Variants in FAM184B observed in about 807,000 individuals in gnomAD.
FAM184B encodes the protein family with sequence similarity 184 member B.
A neutral mutation model predicts 135.9 loss-of-function variants in FAM184B; 111 were observed. That is an observed-to-expected ratio of 0.82 (90% CI 0.70 to 0.96). The LOEUF (loss-of-function observed/expected upper bound fraction) is 0.96. Among genes scored for constraint, FAM184B ranks in the 40% least tolerant of loss-of-function variants. The pLI is 0.00. For synonymous variants in FAM184B, 552 were observed against 524.8 expected (o/e 1.05, Z -0.71); for missense variants, 1,375 against 1,323.9 (o/e 1.04, Z -0.60).
chr4:17,680,059 G>A (rs1716400377), intron 7 of FAM184B, among the ~76,000 whole-genome samples: 1 of 152,112 alleles, frequency 6.6e-6, no homozygotes, highest in Non-Finnish European at 1.5e-5. Flanking sequence ...GTAAAAGACT[G>A]CACACTGGGT....
chr4:17,736,595 T>A (rs767473666), intron 1 of FAM184B, among the ~76,000 whole-genome samples: 2 of 152,160 alleles, frequency 1.3e-5, no homozygotes, highest in Non-Finnish European at 2.9e-5. Context: ...ACAACTTCTG[T>A]TATCTGGGCC....
chr4:17,639,042 C>T (rs1397862420), intron 14 of FAM184B, among the ~76,000 whole-genome samples: 1 of 152,178 alleles, frequency 6.6e-6, no homozygotes, highest in Non-Finnish European at 1.5e-5. Context: ...CCATGTTGGC[C>T]AGGCTGGTCT....
At chr4:17,702,855 G>T (rs1376940945) in intron 5 of FAM184B, among the ~76,000 whole-genome samples, 1 of 152,188 alleles carries the variant, frequency 6.6e-6, no homozygotes. Flanking sequence ...TGTGGCCGGG[G>T]ATGGAAAGAG....
chr4:17,671,456 C>T (rs1316438035), intron 7 of FAM184B, among the ~76,000 whole-genome samples: 3 of 152,028 alleles, frequency 2.0e-5, no homozygotes, highest in Non-Finnish European at 4.4e-5. Flanking sequence ...ACCACAGCTT[C>T]CTGCTTCTTA....
At chr4:17,638,696 G>A (rs58465213) in intron 14 of FAM184B, among the ~76,000 whole-genome samples, 2,151 of 152,256 alleles carry the variant, frequency 0.014, 21 homozygotes, top group Middle Eastern at 0.024. Flanking sequence ...AATTCTAATT[G>A]AGCAGCCCTG....
intron 1 of FAM184B, among the ~76,000 whole-genome samples, chr4:17,777,256 G>C (rs768579215): frequency 1.8e-4 from 27 of 152,174 alleles, no homozygotes; most frequent in Non-Finnish European, 3.5e-4. Flanking sequence ...TTATTATATG[G>C]TTTCATTTAG....
intron 7 of FAM184B, among the ~76,000 whole-genome samples, chr4:17,669,057 T>C (rs1716115486): frequency 6.6e-6 from 1 of 152,358 alleles, no homozygotes; most frequent in East Asian, 1.9e-4. Flanking sequence ...GAGAACACGC[T>C]GCACAGCTAT....
chr4:17,675,241 G>C (rs562766278), intron 7 of FAM184B, among the ~76,000 whole-genome samples: 5 of 152,304 alleles, frequency 3.3e-5, no homozygotes, highest in Non-Finnish European at 5.9e-5. Context: ...GCTACAGAAT[G>C]AGTATTGTGT....
At chr4:17,734,685 G>T (rs2108979918) in intron 1 of FAM184B, among the ~76,000 whole-genome samples, 2 of 149,852 alleles carry the variant, frequency 1.3e-5, no homozygotes, top group African/African-American at 4.9e-5. Context: ...GAAACAACAG[G>T]TGCTGGAGAG....
intron 5 of FAM184B, among the ~76,000 whole-genome samples, chr4:17,695,256 G>A (rs1249324158): frequency 1.3e-5 from 2 of 151,636 alleles, no homozygotes; most frequent in African/African-American, 2.4e-5. Context: ...TTGACCACCC[G>A]GGCTCAAGCA....
intron 3 of FAM184B, among the ~76,000 whole-genome samples, chr4:17,707,069 T>A (rs1260045467): frequency 6.6e-6 from 1 of 152,172 alleles, no homozygotes; most frequent in Non-Finnish European, 1.5e-5. Context: ...ATTATAAGCA[T>A]GAGCCACCAT....
chr4:17,688,278 ATT>A (rs11306510), intron 7 of FAM184B, 144 bp downstream of exon 7: 20,812 of 371,302 alleles, frequency 0.056, 15 homozygotes, highest in East Asian at 0.076. Flanking sequence ...TTTTGTGGTG[ATT>A]TTTTTTTTTT....
intron 1 of FAM184B, among the ~76,000 whole-genome samples, chr4:17,762,034 G>GTTTTGTTTTGTTTTT (rs371981181): frequency 0.017 from 2,487 of 150,232 alleles, 64 homozygotes; most frequent in African/African-American, 0.06. Context: ...GTTTTGTTTT[G>GTTTTGTTTTGTTTTT]TTTTGTTTTG....
At chr4:17,636,190 C>T (rs537965670) in intron 15 of FAM184B, among the ~76,000 whole-genome samples, 2 of 152,152 alleles carry the variant, frequency 1.3e-5, no homozygotes, top group African/African-American at 4.8e-5. Context: ...ACTGCAACCT[C>T]TGTCTCTCGG....
intron 1 of FAM184B, among the ~76,000 whole-genome samples, chr4:17,723,115 T>C (rs1169703193): frequency 6.6e-6 from 1 of 152,234 alleles, no homozygotes; most frequent in Non-Finnish European, 1.5e-5. Context: ...TATAACAATG[T>C]GTGCTACCAT....
chr4:17,716,483 C>T (rs1038714706), intron 1 of FAM184B, among the ~76,000 whole-genome samples: 1 of 151,820 alleles, frequency 6.6e-6, no homozygotes, highest in Non-Finnish European at 1.5e-5. Flanking sequence ...CCTGGGATTA[C>T]AGGTGCATAC....
chr4:17,701,597 C>T (rs1472981647), intron 5 of FAM184B, among the ~76,000 whole-genome samples: 1 of 152,182 alleles, frequency 6.6e-6, no homozygotes, highest in African/African-American at 2.4e-5. Flanking sequence ...CTGCCTGCAG[C>T]TTGAGCATGG....
intron 7 of FAM184B, among the ~76,000 whole-genome samples, chr4:17,682,077 TTA>T (rs1716455000): frequency 6.6e-6 from 1 of 152,152 alleles, no homozygotes; most frequent in Admixed American, 6.5e-5. Context: ...TCAGACATAT[TTA>T]TAGAGACGAG....
At chr4:17,678,280 T>A (rs1716360729) in intron 7 of FAM184B, among the ~76,000 whole-genome samples, 1 of 151,944 alleles carries the variant, frequency 6.6e-6, no homozygotes, top group Non-Finnish European at 1.5e-5. Flanking sequence ...CCCTAAAGAC[T>A]CCTCCAAAAA....
Sources: gnomAD v4.1 joint callset for allele counts (sites outside exome capture counted in the v4.1 genomes callset) on GRCh38, gnomAD v4.1.1 for gene constraint, MANE v1.5 for transcripts, NCBI Gene and HGNC (gene_info 2026-07-23, HGNC 2026-07-21) for gene names.